The following PDLIM5 variants were observed in gnomAD, a reference collection of about 807,000 sequenced individuals.
PDLIM5 encodes PDZ and LIM domain protein 5.
A neutral mutation model predicts 64.2 loss-of-function variants in PDLIM5; 34 were observed. The observed-to-expected ratio is 0.53, with a 90% CI of 0.40 to 0.71. The LOEUF (loss-of-function observed/expected upper bound fraction) is 0.71, where lower values mean the gene tolerates loss of function less well. Among genes scored for constraint, PDLIM5 ranks in the 30% least tolerant of loss-of-function variants. PDLIM5 has a pLI of 0.00. For missense variants in PDLIM5, 683 were observed against 733.6 expected (o/e 0.93, Z 0.80); for synonymous variants, 253 against 269.1 (o/e 0.94, Z 0.59).
At chr4:94,649,338 T>TGATA (rs1427874532) in intron 9 of PDLIM5, among the ~76,000 whole-genome samples, 1 of 152,042 alleles carries the variant, frequency 6.6e-6, no homozygotes, top group East Asian at 1.9e-4. Flanking sequence ...ATCACAGGAG[T>TGATA]GATACCCTGT....
intron 3 of PDLIM5, among the ~76,000 whole-genome samples, chr4:94,553,449 C>T (rs10516952): frequency 0.075 from 11,476 of 152,124 alleles, 678 homozygotes; most frequent in African/African-American, 0.17. Flanking sequence ...CTTCCTTTTG[C>T]GATAGTACTT....
At chr4:94,638,039 A>C (rs1449082405) in intron 8 of PDLIM5, among the ~76,000 whole-genome samples, 2 of 152,318 alleles carry the variant, frequency 1.3e-5, no homozygotes, top group East Asian at 3.8e-4. Context: ...CGTGAGTGGG[A>C]GAATTCTAGC....
intron 9 of PDLIM5, among the ~76,000 whole-genome samples, chr4:94,649,061 C>T (rs1386259508): frequency 2.6e-5 from 4 of 151,946 alleles, no homozygotes; most frequent in African/African-American, 4.8e-5. Context: ...CTGCAACCTC[C>T]GCCTCCTGGG....
At chr4:94,564,717 G>T (rs1478125648) in intron 3 of PDLIM5, among the ~76,000 whole-genome samples, 1 of 139,550 alleles carries the variant, frequency 7.2e-6, no homozygotes, top group African/African-American at 2.8e-5. Flanking sequence ...GTGCAGTAGG[G>T]CCATCTCAGC....
intron 2 of PDLIM5, among the ~76,000 whole-genome samples, chr4:94,510,824 A>G (rs1345040770): frequency 1.3e-5 from 2 of 152,176 alleles, no homozygotes; most frequent in Non-Finnish European, 2.9e-5. Flanking sequence ...CCTGGCCAAC[A>G]TGGTGAAACC....
At chr4:94,455,191 T>C in intron 1 of PDLIM5, 56 bp from the exon 2 acceptor site, 1 of 681,690 alleles carries the variant, frequency 1.5e-6, no homozygotes, top group Non-Finnish European at 2.6e-6. Context: ...AAACATAATT[T>C]ATGTTCTAGG....
At chr4:94,618,833 A>T (rs1738992739) in intron 8 of PDLIM5, among the ~76,000 whole-genome samples, 1 of 152,212 alleles carries the variant, frequency 6.6e-6, no homozygotes, top group Admixed American at 6.5e-5. Flanking sequence ...TTCTCCCAAC[A>T]TGAACAAAGT....
At chr4:94,472,000 G>C (rs1002285430) in intron 2 of PDLIM5, among the ~76,000 whole-genome samples, 2 of 151,798 alleles carry the variant, frequency 1.3e-5, no homozygotes, top group African/African-American at 4.8e-5. Context: ...GTATTTACTA[G>C]TAATAGGGAG....
In PDLIM5 at chr4:94,540,990, G is replaced by A. The variant is rs571896548; in HGVS notation, c.248+17115G>A. ...TCAGTATGAGAGAGGTCATCAGAAC[G>A]ATACAAACTTCTGGGAGAACCATGT... On this transcript the variant is annotated intron_variant, in intron 3 of 12. Transcript: ENST00000317968. Among the ~76,000 whole-genome samples the A allele has an allele frequency of 1.2e-4, 19 of 152,226 alleles. No individual in the cohort carries two copies. The East Asian group carries it at 3.1e-3, about 25-fold the overall frequency.
chr4:94,642,434 G>A (rs1741070256), intron 9 of PDLIM5, among the ~76,000 whole-genome samples: 1 of 152,134 alleles, frequency 6.6e-6, no homozygotes, highest in Non-Finnish European at 1.5e-5. Flanking sequence ...TAAATTTAAT[G>A]CCAGGCCAGT....
intron 7 of PDLIM5, chr4:94,610,147 T>C: frequency 6.7e-7 from 1 of 1,495,516 alleles, no homozygotes; most frequent in South Asian, 1.3e-5. Context: ...TGTTTTTCTT[T>C]CCCTACCTGT....
intron 7 of PDLIM5, among the ~76,000 whole-genome samples, chr4:94,590,509 TA>T (rs1736592511): frequency 1.3e-5 from 2 of 152,220 alleles, no homozygotes; most frequent in Non-Finnish European, 2.9e-5. Flanking sequence ...CAGATAAATG[TA>T]TAAGCAAGAT....
chr4:94,471,054 G>C (rs1393199073), intron 2 of PDLIM5, among the ~76,000 whole-genome samples: 1 of 152,116 alleles, frequency 6.6e-6, no homozygotes, highest in African/African-American at 2.4e-5. Context: ...TATCATGAGA[G>C]CAGCATGGCA....
intron 2 of PDLIM5, among the ~76,000 whole-genome samples, chr4:94,481,941 G>C (rs1157264176): frequency 6.6e-6 from 1 of 151,964 alleles, no homozygotes; most frequent in Non-Finnish European, 1.5e-5. Flanking sequence ...TATGCTTTGA[G>C]AAATCTTGGT....
chr4:94,477,327 G>A (rs1339409686), intron 2 of PDLIM5, among the ~76,000 whole-genome samples: 1 of 152,178 alleles, frequency 6.6e-6, no homozygotes, highest in Non-Finnish European at 1.5e-5. Flanking sequence ...CAAGCCAGAG[G>A]CAGTAAAAGG....
At chr4:94,573,518 G>T in intron 4 of PDLIM5, 125 bp downstream of exon 4, 1 of 848,256 alleles carries the variant, frequency 1.2e-6, no homozygotes, top group South Asian at 1.3e-5. Flanking sequence ...AATTTTCCTT[G>T]TAGTTCTTTT....
Position 94,563,720 on chromosome 4 carries a change from A to G in PDLIM5, c.249-9631A>G, listed in dbSNP as rs17021807. 9.4e-3 allele frequency among the ~76,000 whole-genome samples: 1,437 copies of G among 152,296 alleles called. 13 individuals carry two copies. The highest frequency in any genetic ancestry group is 0.048 in the Middle Eastern group (14 of 294). Reference sequence around the variant, plus strand: ...CATATAAAGGTGAACCTCAAATAGCATGTCTCATACTTTGAAAAGATGAAA... The same window carrying G: ...CATATAAAGGTGAACCTCAAATAGCGTGTCTCATACTTTGAAAAGATGAAA... On this transcript the variant is annotated intron_variant, in intron 3 of 12. Coordinates refer to ENST00000317968, the MANE Select transcript of PDLIM5 (RefSeq NM_006457.5).
At chr4:94,630,953 G>A (rs2110432786) in intron 8 of PDLIM5, among the ~76,000 whole-genome samples, 1 of 152,140 alleles carries the variant, frequency 6.6e-6, no homozygotes, top group South Asian at 2.1e-4. Context: ...TGTTGCCCAG[G>A]CTGAGGTGCA....
At chr4:94,486,802 G>T (rs1726380324) in intron 2 of PDLIM5, among the ~76,000 whole-genome samples, 1 of 152,142 alleles carries the variant, frequency 6.6e-6, no homozygotes, top group African/African-American at 2.4e-5. Context: ...AGGAATTTGA[G>T]ACCAGCCTGG....
Sources: allele counts gnomAD v4.1 joint callset (sites outside exome capture counted in the v4.1 genomes callset), GRCh38; gene constraint gnomAD v4.1.1; transcripts MANE v1.5; gene names NCBI Gene and HGNC (gene_info 2026-07-23, HGNC 2026-07-21).